RAB30: variants seen among roughly 807,000 people sequenced by gnomAD.
RAB30 encodes RAB30, member RAS oncogene family.
A neutral mutation model predicts 25.1 loss-of-function variants in RAB30; 9 were observed. The ratio of observed to expected loss-of-function variants is 0.36; its 90% CI spans 0.22 to 0.63. The LOEUF is 0.63. Among genes scored for constraint, RAB30 ranks in the 20% least tolerant of loss-of-function variants. RAB30 has a pLI of 0.69. For missense variants in RAB30, 140 were observed against 243.5 expected, an observed-to-expected ratio of 0.58 and a Z score of 2.83; for synonymous variants, 77 against 86.4, an observed-to-expected ratio of 0.89 and a Z score of 0.60.
At chr11:83,022,001 C>T (rs562743373) in intron 1 of RAB30, among the ~76,000 whole-genome samples, 23 of 152,300 alleles carry the variant, frequency 1.5e-4, no homozygotes, top group African/African-American at 4.6e-4. Context: ...TAGCTCAATG[C>T]ATCATAGGCA....
intron 1 of RAB30, among the ~76,000 whole-genome samples, chr11:83,026,851 A>G (rs1214188977): frequency 6.6e-6 from 1 of 152,212 alleles, no homozygotes; most frequent in Admixed American, 6.5e-5. Context: ...AGATAAGACA[A>G]TGGTGTCAAA....
At position 83,047,495 on chromosome 11, in the gene RAB30, T is replaced by C. The variant is rs1858257726; in HGVS notation, c.-9+24196A>G. On this transcript the variant is annotated intron_variant, in intron 1 of 4. Transcript: ENST00000527633. ...CATTATTTCTTTTTCCCTCTATTGT[T>C]GTTAAAAATACACGATACCAAAACA... Among the ~76,000 whole-genome samples, 2 of 152,220 alleles carry C rather than the reference T, an allele frequency of 1.3e-5. 1 individual carries two copies. Among genetic ancestry groups the C allele is most frequent in the Non-Finnish European group, 2.9e-5 (2 of 68,044 alleles).
chr11:83,058,031 G>A (rs1858491697), intron 1 of RAB30, among the ~76,000 whole-genome samples: 1 of 152,074 alleles, frequency 6.6e-6, no homozygotes, highest in Admixed American at 6.6e-5. Context: ...CTAAGTATTG[G>A]CATCTCCCCT....
intron 1 of RAB30, among the ~76,000 whole-genome samples, chr11:83,046,065 C>T (rs1858226457): frequency 6.6e-6 from 1 of 152,178 alleles, no homozygotes; most frequent in Admixed American, 6.5e-5. Flanking sequence ...AATAAATCAC[C>T]TTTCTTCAGT....
intron 4 of RAB30, among the ~76,000 whole-genome samples, chr11:82,984,678 G>T (rs968169451): frequency 6.6e-6 from 1 of 152,112 alleles, no homozygotes; most frequent in African/African-American, 2.4e-5. Context: ...CCACTGAAAG[G>T]CCTAAAAACA....
At chr11:83,049,343 G>A (rs1415120062) in intron 1 of RAB30, among the ~76,000 whole-genome samples, 10 of 151,516 alleles carry the variant, frequency 6.6e-5, no homozygotes, top group Non-Finnish European at 1.5e-4. Context: ...CCCGGGAGGC[G>A]GAGGTTGCAG....
intron 4 of RAB30, 95 bp from the exon 5 acceptor site, chr11:82,982,510 G>A: frequency 1.5e-6 from 2 of 1,311,262 alleles, no homozygotes; most frequent in Non-Finnish European, 2.1e-6. Flanking sequence ...AGTCAAGCCA[G>A]ACAGATGGGC....
chr11:82,997,661 A>G (rs1856986798), intron 1 of RAB30, among the ~76,000 whole-genome samples: 1 of 152,202 alleles, frequency 6.6e-6, no homozygotes, highest in Non-Finnish European at 1.5e-5. Context: ...ACCTCTGTGC[A>G]GGCAAGCTGG....
intron 1 of RAB30, among the ~76,000 whole-genome samples, chr11:83,033,696 T>C (rs1054293130): frequency 1.3e-5 from 2 of 152,064 alleles, no homozygotes; most frequent in African/African-American, 4.8e-5. Flanking sequence ...CCACCAGAAA[T>C]TAACATTCAA....
At chr11:83,036,004 A>G (rs968844053) in intron 1 of RAB30, among the ~76,000 whole-genome samples, 5 of 152,182 alleles carry the variant, frequency 3.3e-5, no homozygotes, top group Admixed American at 3.3e-4. Flanking sequence ...AATATGTATC[A>G]GGTACTGTGG....
chr11:83,035,849 G>A lies in RAB30; in HGVS notation c.-9+35842C>T, dbSNP rs552803318. Among the ~76,000 whole-genome samples, 6 of 152,222 alleles carry A rather than the reference G, an allele frequency of 3.9e-5. No individual in the cohort carries two copies. The South Asian group carries it at 1.0e-3, about 26-fold the overall frequency. ...TTCCAGCCAGGCAAGTGTTACTTGC[G>A]GGAAGTCACAGGCATCTTATGGATC... On this transcript the variant is annotated intron_variant, in intron 1 of 4. Coordinates refer to ENST00000527633, the MANE Select transcript of RAB30 (RefSeq NM_001286060.2).
chr11:82,997,547 G>A (rs528008005), intron 1 of RAB30: 27 of 479,578 alleles, frequency 5.6e-5, no homozygotes, highest in South Asian at 4.3e-4. Flanking sequence ...AATAAATGAC[G>A]CAGATGTCGT....
intron 1 of RAB30, among the ~76,000 whole-genome samples, chr11:83,047,379 C>T (rs532418136): frequency 3.3e-5 from 5 of 152,326 alleles, no homozygotes; most frequent in Non-Finnish European, 7.3e-5. Flanking sequence ...ATCAGAAACA[C>T]AGATCATCTA....
chr11:83,066,111 C>T (rs1260944091), intron 1 of RAB30, among the ~76,000 whole-genome samples: 2 of 152,188 alleles, frequency 1.3e-5, no homozygotes, highest in Non-Finnish European at 2.9e-5. Flanking sequence ...TATTAAATTC[C>T]TCCATACTTG....
At chr11:83,031,395 A>G (rs1021231542) in intron 1 of RAB30, among the ~76,000 whole-genome samples, 3 of 152,190 alleles carry the variant, frequency 2.0e-5, no homozygotes, top group African/African-American at 2.4e-5. Flanking sequence ...TTGTTTCCTT[A>G]GAGTGTAATT....
chr11:83,004,434 T>TA (rs1170709932), intron 1 of RAB30, among the ~76,000 whole-genome samples: 2 of 152,050 alleles, frequency 1.3e-5, no homozygotes, highest in African/African-American at 2.4e-5. Flanking sequence ...CAGGTCACAG[T>TA]AGAAATAGAG....
rs547956664 is a variant in RAB30 at position 82,980,154 on chromosome 11, C to T, written c.*2011G>A. On this transcript the variant is annotated 3_prime_UTR_variant, in exon 5 of 5. Transcript: ENST00000527633. ...CTGCCCTCCTTGATTAACTTGTTTT[C>T]TGAATACATTTAGTTGCTGGCTTAG... 2 of 152,268 alleles carry T rather than the reference C, an allele frequency of 1.3e-5. No individual in the cohort carries two copies. The highest frequency in any genetic ancestry group is 4.8e-5 in the African/African-American group (2 of 41,566). 9.4% of individuals were successfully genotyped at this position (152,268 alleles called of 1,614,324 possible). A position where few individuals can be genotyped will look rare whatever the true frequency, so the allele number is the denominator to read the frequency against.
Position 82,982,219 on chromosome 11 carries a change from G to C in RAB30, c.558C>G (p.Pro186=). The C allele has an allele frequency of 6.2e-7, 1 of 1,614,216 alleles. No homozygotes were observed. The highest frequency in any genetic ancestry group is 8.5e-7 in the Non-Finnish European group (1 of 1,180,030). ...TGATGCTTTTCCCTTCTCCAGGTAA[G>C]GGTGAGGATACATTGTTCACAAGTG... ...QNTLVNNVSS[P]LPGEGKSISY... Residue 186 remains proline, a synonymous_variant, in exon 5 of 5, where the codon CCC becomes CCG. Coordinates refer to ENST00000527633, the MANE Select transcript of RAB30 (RefSeq NM_001286060.2).
At chr11:83,018,928 A>G (rs2121510610) in intron 1 of RAB30, among the ~76,000 whole-genome samples, 1 of 152,322 alleles carries the variant, frequency 6.6e-6, no homozygotes, top group East Asian at 1.9e-4. Flanking sequence ...CCATTTGTCA[A>G]GGTGTCCTTA....
Sources: allele counts gnomAD v4.1 joint callset (sites outside exome capture counted in the v4.1 genomes callset), GRCh38; gene constraint gnomAD v4.1.1; transcripts MANE v1.5; gene names NCBI Gene and HGNC (gene_info 2026-07-23, HGNC 2026-07-21).